The following METTL15 variants were observed in gnomAD, a reference collection of about 807,000 sequenced individuals.
METTL15 encodes 12S rRNA N(4)-cytidine methyltransferase METTL15.
Under a neutral mutation model 38.3 loss-of-function variants are expected in METTL15, and 34 were observed. The observed-to-expected ratio is 0.89, with a 90% confidence interval of 0.68 to 1.18. The LOEUF (loss-of-function observed/expected upper bound fraction) is 1.18, where lower values mean the gene tolerates loss of function less well. METTL15 is among the 50% of genes most tolerant of loss of function. METTL15 has a pLI of 0.00. For synonymous variants in METTL15, 162 were observed against 170.9 expected, an observed-to-expected ratio of 0.95 and a Z score of 0.41; for missense variants, 438 against 498.4, an observed-to-expected ratio of 0.88 and a Z score of 1.15.
At chr11:28,480,042 C>T (rs972564726) in intron 6 of METTL15, among the ~76,000 whole-genome samples, 4 of 152,122 alleles carry the variant, frequency 2.6e-5, no homozygotes, top group African/African-American at 9.7e-5. Flanking sequence ...AAAATGAAAA[C>T]ATGCTAGAAT....
intron 6 of METTL15, among the ~76,000 whole-genome samples, chr11:28,486,557 G>T (rs1338718412): frequency 1.3e-5 from 2 of 152,102 alleles, no homozygotes; most frequent in East Asian, 1.9e-4. Flanking sequence ...GCCTGATGCT[G>T]CCAGGATTGT....
chr11:28,251,993 A>G (rs1261204655), intron 4 of METTL15, among the ~76,000 whole-genome samples: 1 of 152,124 alleles, frequency 6.6e-6, no homozygotes, highest in Non-Finnish European at 1.5e-5. Flanking sequence ...GTTCAACTGA[A>G]CATTATTAGA....
At chr11:28,141,841 G>T (rs1021579760) in intron 3 of METTL15, among the ~76,000 whole-genome samples, 15 of 152,166 alleles carry the variant, frequency 9.9e-5, no homozygotes, top group Non-Finnish European at 1.9e-4. Context: ...TAACCTTGTG[G>T]CCTTTCATTA....
Position 28,429,385 on chromosome 11 carries a change from C to CTCCCTCTCCCTA in METTL15, c.*424+5031_*424+5032insTATCCCTCTCCC, listed in dbSNP as rs1554924307. On this transcript the variant is annotated intron_variant and NMD_transcript_variant, in intron 6 of 7. Transcript: ENST00000532947. ...TCTCCCTCTCCCTCTCCCTCTCCCT[C>CTCCCTCTCCCTA]TCCCTCTCCCCACGGTCTCCCTCTC... is the stretch of plus-strand genomic sequence containing the variant. 1.1e-4 allele frequency among the ~76,000 whole-genome samples: 14 copies of CTCCCTCTCCCTA among 126,460 alleles called. 1 individual carries two copies. The highest frequency in any genetic ancestry group is 3.6e-4 in the African/African-American group (12 of 33,042). 83.0% of individuals were successfully genotyped at this position (126,460 alleles called of 152,430 possible).
chr11:28,210,760 G>A (rs901556544), intron 3 of METTL15, among the ~76,000 whole-genome samples: 16 of 151,984 alleles, frequency 1.1e-4, no homozygotes, highest in Admixed American at 9.8e-4. Context: ...GTGTTAAAGA[G>A]CTGGGGGCAC....
intron 6 of METTL15, among the ~76,000 whole-genome samples, chr11:28,462,223 T>C (rs1006676988): frequency 6.6e-6 from 1 of 152,078 alleles, no homozygotes; most frequent in Non-Finnish European, 1.5e-5. Flanking sequence ...ATTGGAATTT[T>C]CCAGAAATGA....
At chr11:28,203,689 A>T (rs972242155) in intron 3 of METTL15, among the ~76,000 whole-genome samples, 3 of 152,028 alleles carry the variant, frequency 2.0e-5, no homozygotes, top group Admixed American at 6.6e-5. Flanking sequence ...TGTCCCTTTG[A>T]CCTGTGAAAT....
At chr11:28,350,236 T>A (rs1177878147) in intron 3 of METTL15, among the ~76,000 whole-genome samples, 1 of 152,214 alleles carries the variant, frequency 6.6e-6, no homozygotes, top group Non-Finnish European at 1.5e-5. Context: ...GGGCCACAAA[T>A]TCTTGTTTCT....
chr11:28,363,310 A>G (rs1850156761), intron 5 of METTL15, among the ~76,000 whole-genome samples: 1 of 152,084 alleles, frequency 6.6e-6, no homozygotes, highest in African/African-American at 2.4e-5. Flanking sequence ...AGTAGCTGGG[A>G]TTACAGGCTT....
intron 5 of METTL15, among the ~76,000 whole-genome samples, chr11:28,421,962 A>G (rs1045719205): frequency 5.9e-5 from 9 of 151,968 alleles, no homozygotes; most frequent in African/African-American, 2.2e-4. Flanking sequence ...CCAAAAAACT[A>G]CTATTACTAA....
chr11:28,356,731 T>G (rs1850093130), intron 4 of METTL15, among the ~76,000 whole-genome samples: 1 of 152,170 alleles, frequency 6.6e-6, no homozygotes, highest in South Asian at 2.1e-4. Flanking sequence ...AAAACACCAT[T>G]TGAATTATGT....
At chr11:28,498,533 C>A (rs1333790934) in intron 6 of METTL15, among the ~76,000 whole-genome samples, 2 of 152,252 alleles carry the variant, frequency 1.3e-5, no homozygotes, top group African/African-American at 4.8e-5. Flanking sequence ...TCCAGAAAAA[C>A]TAAGCAACTA....
intron 3 of METTL15, among the ~76,000 whole-genome samples, chr11:28,185,337 G>C (rs1851455984): frequency 6.6e-6 from 1 of 151,182 alleles, no homozygotes; most frequent in Non-Finnish European, 1.5e-5. Context: ...GACTGTTTTG[G>C]GTTCAAATCC....
chr11:28,338,491 G>C (rs1015141795), downstream of METTL15, among the ~76,000 whole-genome samples: 1 of 151,884 alleles, frequency 6.6e-6, no homozygotes, highest in African/African-American at 2.4e-5. Flanking sequence ...AAATCAGTTT[G>C]TCTCTCTAAC....
chr11:28,341,142 G>A (rs1849948482), intron 3 of METTL15, among the ~76,000 whole-genome samples: 1 of 152,128 alleles, frequency 6.6e-6, no homozygotes, highest in African/African-American at 2.4e-5. Context: ...GACACAGGGA[G>A]GGGAACATCA....
chr11:28,271,909 A>T (rs1223256485), intron 4 of METTL15, among the ~76,000 whole-genome samples: 1 of 152,218 alleles, frequency 6.6e-6, no homozygotes, highest in African/African-American at 2.4e-5. Flanking sequence ...GGCAAAGGAT[A>T]TGAACAGACA....
rs1329746209 is a variant in METTL15 at position 28,331,470 on chromosome 11, T to TA, written c.*633dup. Reference sequence around the variant, plus strand: ...GTTCATCTATCGCAAAGTAAAAATGTAAAATCCTTACAGAGAATTGTTTCA... The same window carrying TA: ...GTTCATCTATCGCAAAGTAAAAATGTAAAAATCCTTACAGAGAATTGTTTCA... On this transcript the variant is annotated 3_prime_UTR_variant, in exon 7 of 7. Transcript: ENST00000407364. 3 of 152,084 alleles carry TA rather than the reference T, an allele frequency of 2.0e-5. No individual in the cohort carries two copies. The highest frequency in any genetic ancestry group is 2.0e-4 in the Admixed American group (3 of 15,262). The allele number at this position is 152,084 out of a possible 1,614,324, so 9.4% of individuals were successfully genotyped here.
At chr11:28,361,490 TA>T (rs1335272148) in intron 4 of METTL15, among the ~76,000 whole-genome samples, 13 of 152,190 alleles carry the variant, frequency 8.5e-5, no homozygotes, top group Admixed American at 1.3e-4. Context: ...AAATTTTATT[TA>T]AAACAAAGTG....
At chr11:28,278,530 A>G (rs1855927537) in intron 4 of METTL15, among the ~76,000 whole-genome samples, 2 of 152,292 alleles carry the variant, frequency 1.3e-5, no homozygotes, top group Admixed American at 1.3e-4. Context: ...TCAGATATCT[A>G]TCTCCTGAGG....
Sources: allele counts gnomAD v4.1 joint callset (sites outside exome capture counted in the v4.1 genomes callset), GRCh38; gene constraint gnomAD v4.1.1; transcripts MANE v1.5; gene names NCBI Gene and HGNC (gene_info 2026-07-23, HGNC 2026-07-21).